Variants in GABRB1 observed in about 807,000 individuals in gnomAD.
GABRB1 encodes gamma-aminobutyric acid receptor subunit beta-1.
Under a neutral mutation model 51.6 loss-of-function variants are expected in GABRB1, and 17 were observed. The observed-to-expected ratio is 0.33, with a 90% confidence interval of 0.23 to 0.49. The LOEUF (loss-of-function observed/expected upper bound fraction) is 0.49. Among genes scored for constraint, GABRB1 ranks in the 20% least tolerant of loss-of-function variants. The probability of loss-of-function intolerance (pLI) is 0.99; values close to 1 mark genes in which losing one functional copy is unlikely to be tolerated. For synonymous variants in GABRB1, 247 were observed against 218.9 expected, an observed-to-expected ratio of 1.13 and a Z score of -1.14; for missense variants, 410 against 600.6, an observed-to-expected ratio of 0.68 and a Z score of 3.32.
At chr4:47,339,265 T>G (rs1725800933) in intron 5 of GABRB1, among the ~76,000 whole-genome samples, 1 of 152,176 alleles carries the variant, frequency 6.6e-6, no homozygotes, top group South Asian at 2.1e-4. Context: ...AGGGAAGTTA[T>G]GAAAAGCCAA....
intron 3 of GABRB1, among the ~76,000 whole-genome samples, chr4:47,142,237 G>A (rs1399676558): frequency 1.3e-5 from 2 of 151,798 alleles, no homozygotes; most frequent in East Asian, 3.9e-4. Context: ...TTGGAGAGGA[G>A]GCATAGGTAG....
chr4:47,244,246 G>A (rs1200504266), intron 4 of GABRB1, among the ~76,000 whole-genome samples: 3 of 152,180 alleles, frequency 2.0e-5, no homozygotes, highest in East Asian at 1.9e-4. Flanking sequence ...CTTGATCGTG[G>A]TGCATAAGCT....
At chr4:46,995,024 A>C (rs1464935579) in intron 1 of GABRB1, among the ~76,000 whole-genome samples, 5 of 152,098 alleles carry the variant, frequency 3.3e-5, no homozygotes, top group Non-Finnish European at 5.9e-5. Context: ...TTCTTCATGG[A>C]ATTTGTTAAC....
At chr4:47,009,078 A>T (rs535449012) in intron 1 of GABRB1, among the ~76,000 whole-genome samples, 6 of 148,472 alleles carry the variant, frequency 4.0e-5, no homozygotes, top group Non-Finnish European at 8.9e-5. Context: ...GTTAACCAGG[A>T]TGGTCTCCAT....
At chr4:47,398,891 C>A (rs978952298) in intron 5 of GABRB1, among the ~76,000 whole-genome samples, 1 of 152,162 alleles carries the variant, frequency 6.6e-6, no homozygotes, top group Non-Finnish European at 1.5e-5. Context: ...CCCGGGTTCA[C>A]GCCATTCTCC....
intron 4 of GABRB1, among the ~76,000 whole-genome samples, chr4:47,309,475 G>A (rs1405195282): frequency 6.6e-6 from 1 of 152,110 alleles, no homozygotes; most frequent in Non-Finnish European, 1.5e-5. Flanking sequence ...CTACAAAAGA[G>A]AGGAGGGAAA....
chr4:47,406,093 A>C (rs1728556104), intron 7 of GABRB1, among the ~76,000 whole-genome samples: 1 of 151,886 alleles, frequency 6.6e-6, no homozygotes, highest in Non-Finnish European at 1.5e-5. Flanking sequence ...TACATAAATC[A>C]AGCACTTGAT....
chr4:47,183,196 AC>A (rs1719027986), intron 4 of GABRB1, among the ~76,000 whole-genome samples: 1 of 151,488 alleles, frequency 6.6e-6, no homozygotes, highest in African/African-American at 2.4e-5. Flanking sequence ...CATCTCTGTG[AC>A]CCACAAGCAT....
intron 3 of GABRB1, among the ~76,000 whole-genome samples, chr4:47,063,850 A>T (rs182486327): frequency 6.6e-6 from 1 of 151,958 alleles, no homozygotes; most frequent in Non-Finnish European, 1.5e-5. Flanking sequence ...ACACATGGAC[A>T]TGGCGGGGGA....
intron 3 of GABRB1, among the ~76,000 whole-genome samples, chr4:47,039,772 C>G (rs1002098245): frequency 6.6e-6 from 1 of 152,104 alleles, no homozygotes; most frequent in African/African-American, 2.4e-5. Context: ...TGCCTGAAAA[C>G]AGCATGAAGT....
intron 4 of GABRB1, among the ~76,000 whole-genome samples, chr4:47,201,815 T>A (rs1367428749): frequency 6.6e-6 from 1 of 152,176 alleles, no homozygotes; most frequent in African/African-American, 2.4e-5. Flanking sequence ...CAAGTGCTTA[T>A]TTTTACTAGC....
At chr4:47,408,101 A>G (rs1475223103) in intron 8 of GABRB1, among the ~76,000 whole-genome samples, 1 of 152,174 alleles carries the variant, frequency 6.6e-6, no homozygotes, top group Non-Finnish European at 1.5e-5. Flanking sequence ...TAAAATAATA[A>G]TAATTTTAAA....
intron 3 of GABRB1, among the ~76,000 whole-genome samples, chr4:47,070,575 A>C (rs2109544490): frequency 6.6e-6 from 1 of 152,140 alleles, no homozygotes; most frequent in Middle Eastern, 3.4e-3. Context: ...CAGGTGATCC[A>C]ACTGCCTCGA....
At chr4:47,118,590 A>G (rs2109643129) in intron 3 of GABRB1, among the ~76,000 whole-genome samples, 1 of 152,148 alleles carries the variant, frequency 6.6e-6, no homozygotes, top group African/African-American at 2.4e-5. Flanking sequence ...TCCATAATTG[A>G]CTCTTGGTTA....
chr4:47,318,382 G>A lies in GABRB1; in HGVS notation c.462-1745G>A, dbSNP rs201756627. Among the ~76,000 whole-genome samples the A allele has an allele frequency of 1.4e-3, 220 of 151,986 alleles. 1 individual carries two copies. The highest frequency in any genetic ancestry group is 4.7e-3 in the African/African-American group (197 of 41,504). On this transcript the variant is annotated intron_variant, in intron 4 of 8. Transcript: ENST00000295454. ...GAATTTGTGAATGGGAGGAATCTAC[G>A]TTATACATAAAAGCATATCTTCCTC...
In GABRB1 at chr4:47,426,414, C is replaced by T. The variant is rs1346143004; in HGVS notation, c.*396C>T. 1.2e-5 allele frequency: 1 copy of T among 82,570 alleles called. No homozygotes were observed. The highest frequency in any genetic ancestry group is 3.7e-4 in the East Asian group (1 of 2,702). The allele number at this position is 82,570 out of a possible 1,614,324, so 5.1% of individuals were successfully genotyped here. A position where few individuals can be genotyped will look rare whatever the true frequency, so the allele number is the denominator to read the frequency against. ...TGCACTGCTTCCTGGTAAACTATAA[C>T]AAACTTATGCTGCCAAAAAAAAAAA... On this transcript the variant is annotated 3_prime_UTR_variant, in exon 9 of 9. Coordinates refer to ENST00000295454, the MANE Select transcript of GABRB1 (RefSeq NM_000812.4).
In GABRB1 at chr4:46,999,024, T is replaced by C. The variant is rs539882301; in HGVS notation, c.-20+5098T>C. On this transcript the variant is annotated intron_variant, in intron 1 of 3. Coordinates refer to the GABRB1 transcript ENST00000513567. The stretch of plus-strand genomic sequence containing the variant: ...CTTTAATTATGTTAGTGTATATGTA[T>C]GGTATGTGCGAATTTTTAGTTTCTG... Among the ~76,000 whole-genome samples the C allele has an allele frequency of 2.0e-5, 3 of 152,230 alleles. No individual in the cohort carries two copies. The South Asian group carries it at 6.2e-4, about 32-fold the overall frequency.
intron 4 of GABRB1, among the ~76,000 whole-genome samples, chr4:47,171,651 T>G (rs550094130): frequency 2.0e-5 from 3 of 152,286 alleles, no homozygotes; most frequent in Admixed American, 1.3e-4. Context: ...GCTCTTTATA[T>G]GGGAAATCAT....
At chr4:47,212,696 A>G (rs1446802796) in intron 4 of GABRB1, among the ~76,000 whole-genome samples, 1 of 152,176 alleles carries the variant, frequency 6.6e-6, no homozygotes, top group Non-Finnish European at 1.5e-5. Context: ...AAAACAAAAA[A>G]GAAGACAGCC....
Sources: gnomAD v4.1 joint callset for allele counts (sites outside exome capture counted in the v4.1 genomes callset) on GRCh38, gnomAD v4.1.1 for gene constraint, MANE v1.5 for transcripts, NCBI Gene and HGNC (gene_info 2026-07-23, HGNC 2026-07-21) for gene names.